The following PTPN20 variants were observed in gnomAD, a reference collection of about 807,000 sequenced individuals.
PTPN20 encodes the protein protein tyrosine phosphatase non-receptor type 20, also known as tyrosine-protein phosphatase non-receptor type 20.
A neutral mutation model predicts 35.0 loss-of-function variants in PTPN20; 9 were observed. That is an observed-to-expected ratio of 0.26 (90% CI 0.15 to 0.45). PTPN20 has a LOEUF of 0.45. Ranked by LOEUF, PTPN20 falls within the 20% of genes least tolerant of loss-of-function variation. The pLI, the probability that PTPN20 is intolerant of heterozygous loss-of-function variation, is 1.00. For missense variants in PTPN20, 111 were observed against 312.5 expected, an observed-to-expected ratio of 0.36 and a Z score of 4.86; for synonymous variants, 32 against 100.2, an observed-to-expected ratio of 0.32 and a Z score of 4.06.
At chr10:46,994,347 G>C (rs1451218105) in intron 9 of PTPN20, among the ~76,000 whole-genome samples, 5 of 6,518 alleles carry the variant, frequency 7.7e-4, no homozygotes, top group Admixed American at 6.5e-3. Flanking sequence ...TTTTTTTTTT[G>C]AGACGGAGTC....
At chr10:46,998,088 A>G (rs1555182752) in intron 9 of PTPN20, among the ~76,000 whole-genome samples, 3 of 152,192 alleles carry the variant, frequency 2.0e-5, no homozygotes, top group African/African-American at 4.8e-5. Context: ...AAAACTAACT[A>G]AAGTTGACAT....
intron 9 of PTPN20, among the ~76,000 whole-genome samples, chr10:46,992,239 C>T (rs2058113815): frequency 6.6e-6 from 1 of 151,412 alleles, no homozygotes; most frequent in South Asian, 2.1e-4. Flanking sequence ...TTTCATGCCT[C>T]AGCCTCCTGA....
At chr10:46,941,737 CT>C (rs1239114721) in intron 3 of PTPN20, among the ~76,000 whole-genome samples, 1 of 150,224 alleles carries the variant, frequency 6.7e-6, no homozygotes, top group Non-Finnish European at 1.5e-5. Flanking sequence ...TAAGTTATAG[CT>C]TGGCCTATCT....
rs2056492285 is a variant in PTPN20 at position 46,984,558 on chromosome 10, GAAGTCCGT to G, written c.917_918+6del. On this transcript the variant is annotated splice_donor_variant and coding_sequence_variant, in exon 8 of 11. Transcript: ENST00000374339. LOFTEE classifies it high-confidence loss of function. ...TCATTCGAATGTTTCAAGTTGTGGA[GAAGTCCGT>G]AAGTTTTTAAACATCAGTATTAGAT... 2 of 1,538,996 alleles carry G rather than the reference GAAGTCCGT, an allele frequency of 1.3e-6. No homozygotes were observed. Among genetic ancestry groups the G allele is most frequent in the Non-Finnish European group, 8.9e-7 (1 of 1,118,302 alleles).
intron 1 of PTPN20, among the ~76,000 whole-genome samples, chr10:46,925,709 C>T (rs1192734359): frequency 1.3e-5 from 2 of 151,028 alleles, no homozygotes; most frequent in African/African-American, 2.5e-5. Context: ...CTAAAAGGAG[C>T]CTGACTATAG....
intron 5 of PTPN20, chr10:46,947,986 A>G (rs1443911782): frequency 2.2e-6 from 1 of 452,726 alleles, no homozygotes; most frequent in Non-Finnish European, 4.4e-6. Flanking sequence ...TTGCTGGGTC[A>G]TAAGTGTATA....
chr10:46,995,333 C>CTTTTTTTTTTTTTTTTTTTT (rs878968027), intron 9 of PTPN20, among the ~76,000 whole-genome samples: 2 of 85,676 alleles, frequency 2.3e-5, no homozygotes, highest in East Asian at 3.5e-4. Flanking sequence ...TTTTTTTTTT[C>CTTTTTTTTTTTTTTTTTTTT]TTTTTTTTTT....
intron 5 of PTPN20, chr10:46,955,100 T>G (rs1410337723): frequency 1.3e-5 from 2 of 150,822 alleles, no homozygotes; most frequent in African/African-American, 4.9e-5. Flanking sequence ...GTAAAGGACT[T>G]GAGCATCTGA....
At chr10:47,002,730 A>G (rs1199834748), downstream of PTPN20, among the ~76,000 whole-genome samples, 4 of 151,912 alleles carry the variant, frequency 2.6e-5, no homozygotes, top group Non-Finnish European at 5.9e-5. Flanking sequence ...TTAAAGTTGT[A>G]TGTTCTTGAG....
intron 8 of PTPN20, among the ~76,000 whole-genome samples, chr10:46,986,431 T>C (rs1555173876): frequency 6.7e-6 from 1 of 148,778 alleles, no homozygotes; most frequent in African/African-American, 2.6e-5. Context: ...GAAAAAGAGG[T>C]GCATTCGGGA....
At chr10:46,995,100 G>C (rs2058802647) in intron 9 of PTPN20, among the ~76,000 whole-genome samples, 1 of 152,006 alleles carries the variant, frequency 6.6e-6, no homozygotes, top group African/African-American at 2.4e-5. Context: ...CTCTTATATG[G>C]CTATCTCATG....
intron 9 of PTPN20, among the ~76,000 whole-genome samples, chr10:46,997,276 G>C (rs1170178474): frequency 6.6e-6 from 1 of 151,684 alleles, no homozygotes; most frequent in African/African-American, 2.4e-5. Context: ...TTCATTGCTA[G>C]TACGTAGAAA....
chr10:46,977,340 A>G (rs1372578564), intron 7 of PTPN20, among the ~76,000 whole-genome samples: 4 of 152,414 alleles, frequency 2.6e-5, no homozygotes, highest in Admixed American at 6.5e-5. Flanking sequence ...CTGTATATAT[A>G]CAGCCTATTG....
intron 8 of PTPN20, among the ~76,000 whole-genome samples, chr10:46,985,410 C>T (rs2056703069): frequency 6.7e-6 from 1 of 149,948 alleles, no homozygotes; most frequent in South Asian, 2.1e-4. Flanking sequence ...TGACTTATGA[C>T]TTATGATTTA....
chr10:46,979,889 G>A (rs2054796551), intron 7 of PTPN20, among the ~76,000 whole-genome samples: 1 of 148,816 alleles, frequency 6.7e-6, no homozygotes, highest in East Asian at 2.2e-4. Flanking sequence ...CCTCAGGGGT[G>A]TATTAACTCT....
chr10:46,920,466 C>T (rs573105153), intron 1 of PTPN20, among the ~76,000 whole-genome samples: 1 of 149,964 alleles, frequency 6.7e-6, no homozygotes, highest in Non-Finnish European at 1.5e-5. Context: ...ACTCCCCAGA[C>T]TCAGGGCTTA....
chr10:46,953,351 C>A (rs2047335827), intron 5 of PTPN20, among the ~76,000 whole-genome samples: 2 of 125,548 alleles, frequency 1.6e-5, no homozygotes, highest in African/African-American at 7.9e-5. Flanking sequence ...TTCTTTCTTT[C>A]TTTCTTTCTT....
intron 2 of PTPN20, among the ~76,000 whole-genome samples, chr10:46,935,770 A>T (rs1364469206): frequency 3.1e-4 from 47 of 152,188 alleles, no homozygotes; most frequent in Non-Finnish European, 5.4e-4. Flanking sequence ...ATGAACATAC[A>T]TGTGCATATG....
intron 7 of PTPN20, among the ~76,000 whole-genome samples, chr10:46,983,092 A>C (rs1589840121): frequency 1.0e-5 from 1 of 98,580 alleles, no homozygotes; most frequent in Admixed American, 1.3e-4. Flanking sequence ...TTTTTGTTTG[A>C]GATGGAGTCT....
Sources: allele counts gnomAD v4.1 joint callset (sites outside exome capture counted in the v4.1 genomes callset), GRCh38; gene constraint gnomAD v4.1.1; transcripts MANE v1.5; gene names NCBI Gene and HGNC (gene_info 2026-07-23, HGNC 2026-07-21).